SKAP1: variants seen among roughly 807,000 people sequenced by gnomAD.
SKAP1 encodes the protein src kinase-associated phosphoprotein 1.
Under a neutral mutation model 58.5 loss-of-function variants are expected in SKAP1, and 44 were observed. The ratio of observed to expected loss-of-function variants is 0.75; its 90% confidence interval spans 0.59 to 0.97. The LOEUF is 0.97. SKAP1 is among the 50% of genes least tolerant of loss of function. The probability of loss-of-function intolerance (pLI) is 0.00; values close to 1 mark genes in which losing one functional copy is unlikely to be tolerated. For missense variants in SKAP1, 390 were observed against 435.2 expected, an observed-to-expected ratio of 0.90 and a Z score of 0.92; for synonymous variants, 127 against 149.7, an observed-to-expected ratio of 0.85 and a Z score of 1.11.
At chr17:48,244,297 C>T (rs1238771929) in intron 4 of SKAP1, among the ~76,000 whole-genome samples, 3 of 152,148 alleles carry the variant, frequency 2.0e-5, no homozygotes, top group African/African-American at 7.2e-5. Flanking sequence ...CTTCCTTCCT[C>T]CTTTGCCCCT....
At chr17:48,196,713 A>T (rs2064636206) in intron 4 of SKAP1, 1 of 152,244 alleles carries the variant, frequency 6.6e-6, no homozygotes, top group African/African-American at 2.4e-5. Context: ...TTTGCATGTC[A>T]TCTTTGCACA....
chr17:48,144,248 T>G (rs989334604), intron 11 of SKAP1, among the ~76,000 whole-genome samples: 3 of 152,180 alleles, frequency 2.0e-5, no homozygotes, highest in Non-Finnish European at 4.4e-5. Flanking sequence ...ATCCCTTGGC[T>G]GTATACCCGA....
intron 4 of SKAP1, among the ~76,000 whole-genome samples, chr17:48,317,582 A>G (rs2066306105): frequency 6.6e-6 from 1 of 152,238 alleles, no homozygotes; most frequent in Non-Finnish European, 1.5e-5. Flanking sequence ...AATAATTTTC[A>G]TGTACCAAAA....
At chr17:48,371,501 C>A (rs2067085056) in intron 2 of SKAP1, among the ~76,000 whole-genome samples, 1 of 151,548 alleles carries the variant, frequency 6.6e-6, no homozygotes, top group African/African-American at 2.4e-5. Flanking sequence ...GTCAGACAAA[C>A]AACTGTAGCT....
At chr17:48,239,797 A>G (rs2065223510) in intron 4 of SKAP1, among the ~76,000 whole-genome samples, 1 of 150,028 alleles carries the variant, frequency 6.7e-6, no homozygotes, top group South Asian at 2.1e-4. Context: ...GGCTTCTCAG[A>G]CCCCCTCCAC....
intron 9 of SKAP1, among the ~76,000 whole-genome samples, chr17:48,173,073 G>A (rs2064237700): frequency 6.6e-6 from 1 of 152,082 alleles, no homozygotes; most frequent in African/African-American, 2.4e-5. Flanking sequence ...CCAGCTACTT[G>A]GGAGACTGAA....
chr17:48,245,906 CA>C (rs769286906), intron 4 of SKAP1, among the ~76,000 whole-genome samples: 7 of 152,092 alleles, frequency 4.6e-5, no homozygotes, highest in Non-Finnish European at 8.8e-5. Flanking sequence ...ACCCAGAAGG[CA>C]GAGGTTGCAG....
chr17:48,137,263 G>C lies in SKAP1; in HGVS notation c.1053C>G (p.Thr351=). 1 of 1,613,552 alleles carries C rather than the reference G, an allele frequency of 6.2e-7. No homozygotes were observed. Among genetic ancestry groups the C allele is most frequent in the East Asian group, 2.2e-5 (1 of 44,868 alleles). ...LVGIVPKEYL[T]TAFEVEER is the part of the protein sequence containing the mutation. ...ATCTTTCTTCCACTTCAAAGGCAGT[G>C]GTGAGATACTCCTTTGGAACAATCC... The change falls in exon 12 of 13, where the codon ACC becomes ACG. Residue 351 remains threonine (T), a synonymous_variant. Transcript: ENST00000336915.
intron 11 of SKAP1, among the ~76,000 whole-genome samples, chr17:48,160,918 C>T (rs1225873934): frequency 2.0e-5 from 3 of 152,324 alleles, no homozygotes; most frequent in African/African-American, 7.2e-5. Flanking sequence ...ATGTCCACTC[C>T]CTTTTTTGCT....
chr17:48,326,889 C>CTTTTTTT (rs35868072), intron 4 of SKAP1, among the ~76,000 whole-genome samples: 14 of 121,598 alleles, frequency 1.2e-4, no homozygotes, highest in African/African-American at 1.6e-4. Flanking sequence ...TTCTTTCTTT[C>CTTTTTTT]TTTTTTTTTT....
At position 48,270,413 on chromosome 17, in the gene SKAP1, G is replaced by A. The variant is rs1051776877; in HGVS notation, c.280+75492C>T. ...GGCTGGAGTGCAGGGGTGGAATATCGGCTCACTGCAACCTCCACCTCCCGG... is the reference window on the plus strand; with the variant it reads ...GGCTGGAGTGCAGGGGTGGAATATCAGCTCACTGCAACCTCCACCTCCCGG... On this transcript the variant is annotated intron_variant, in intron 4 of 12. Transcript: ENST00000336915. 7.3e-5 allele frequency among the ~76,000 whole-genome samples: 11 copies of A among 151,544 alleles called. No homozygotes were observed. In the South Asian group the frequency reaches 8.4e-4, roughly 12 times the overall value.
chr17:48,195,437 C>T (rs1309249420), intron 4 of SKAP1, among the ~76,000 whole-genome samples: 1 of 152,172 alleles, frequency 6.6e-6, no homozygotes, highest in African/African-American at 2.4e-5. Flanking sequence ...ACACATTTTT[C>T]TTGCATTGTG....
intron 4 of SKAP1, among the ~76,000 whole-genome samples, chr17:48,314,577 T>C (rs2066265112): frequency 6.6e-6 from 1 of 152,170 alleles, no homozygotes; most frequent in Non-Finnish European, 1.5e-5. Flanking sequence ...ATTATCACAG[T>C]GTACACAGAG....
chr17:48,392,754 G>T (rs1276312796), intron 2 of SKAP1, among the ~76,000 whole-genome samples: 1 of 151,896 alleles, frequency 6.6e-6, no homozygotes, highest in Non-Finnish European at 1.5e-5. Context: ...CAGCTACTTG[G>T]GAGGCTGAGG....
chr17:48,144,016 A>G (rs1598359176), intron 11 of SKAP1, among the ~76,000 whole-genome samples: 1 of 152,324 alleles, frequency 6.6e-6, no homozygotes, highest in Middle Eastern at 3.4e-3. Flanking sequence ...CTCTTGCTCC[A>G]GGGGAACACT....
At chr17:48,392,636 G>A (rs1301526405) in intron 2 of SKAP1, among the ~76,000 whole-genome samples, 1 of 152,086 alleles carries the variant, frequency 6.6e-6, no homozygotes, top group African/African-American at 2.4e-5. Context: ...CAAGGTGAGT[G>A]GATCACCTGA....
chr17:48,245,605 C>A (rs2065287516), intron 4 of SKAP1, among the ~76,000 whole-genome samples: 2 of 152,172 alleles, frequency 1.3e-5, no homozygotes, highest in African/African-American at 4.8e-5. Context: ...TGAATTCCAG[C>A]TCTGACACTT....
chr17:48,134,716 TA>T (rs1200007587), intron 12 of SKAP1, among the ~76,000 whole-genome samples: 8 of 152,052 alleles, frequency 5.3e-5, no homozygotes, highest in African/African-American at 1.9e-4. Context: ...TATTTTTATT[TA>T]TTTTTTTTGA....
chr17:48,297,189 T>C (rs1019473320), intron 4 of SKAP1, among the ~76,000 whole-genome samples: 7 of 152,208 alleles, frequency 4.6e-5, no homozygotes, highest in Non-Finnish European at 1.0e-4. Flanking sequence ...TCACCTACTC[T>C]AAGTCTATAA....
Sources: allele counts gnomAD v4.1 joint callset (sites outside exome capture counted in the v4.1 genomes callset), GRCh38; gene constraint gnomAD v4.1.1; transcripts MANE v1.5; gene names NCBI Gene and HGNC (gene_info 2026-07-23, HGNC 2026-07-21).